Variants in DRC11 observed in about 807,000 individuals in gnomAD.
DRC11 encodes dynein regulatory complex subunit 11.
chr2:236,496,860 T>A, the DRC11 span, among the ~76,000 whole-genome samples: 1 of 152,048 alleles, frequency 6.6e-6, no homozygotes, highest in Non-Finnish European at 1.5e-5. This position sits in a 1 kb window ranked among gnomAD's most constrained non-coding sequence, Gnocchi z 6.3. Context: ...AGGGTGCTGA[T>A]GAAAGGGCTG....
chr2:236,408,458 G>A, the DRC11 span: 1 of 740,672 alleles, frequency 1.4e-6, no homozygotes, highest in Admixed American at 1.7e-5. The surrounding 1 kb of genome is among the most constrained non-coding windows in gnomAD (Gnocchi z 5.5). Flanking sequence ...TGGTTCACAG[G>A]TATGGGCTGC....
At chr2:236,473,432 C>A in the DRC11 span, among the ~76,000 whole-genome samples, 1 of 152,184 alleles carries the variant, frequency 6.6e-6, no homozygotes. The surrounding 1 kb of genome is among the most constrained non-coding windows in gnomAD (Gnocchi z 4.8). Flanking sequence ...TACAGCTTGC[C>A]TCACGTTAGA....
chr2:236,464,922 C>T, the DRC11 span, among the ~76,000 whole-genome samples: 800 of 152,322 alleles, frequency 5.3e-3, 13 homozygotes, highest in African/African-American at 0.018. Flanking sequence ...TGAGTTAAAG[C>T]TCCCTGAGGC....
the DRC11 span, chr2:236,324,634 G>T: frequency 9.7e-7 from 1 of 1,035,034 alleles, no homozygotes; most frequent in Non-Finnish European, 1.5e-6. This position sits in a 1 kb window ranked among gnomAD's most constrained non-coding sequence, Gnocchi z 5.7. Flanking sequence ...AGAGACTCAA[G>T]CATGGTTCTT....
At chr2:236,331,032 C>G in the DRC11 span, among the ~76,000 whole-genome samples, 1 of 152,010 alleles carries the variant, frequency 6.6e-6, no homozygotes, top group Non-Finnish European at 1.5e-5. This position sits in a 1 kb window ranked among gnomAD's most constrained non-coding sequence, Gnocchi z 4.8. Context: ...GATTTCTCTA[C>G]GCAAAACTTA....
the DRC11 span, among the ~76,000 whole-genome samples, chr2:236,397,319 C>T: frequency 1.3e-5 from 2 of 152,186 alleles, no homozygotes; most frequent in Admixed American, 6.5e-5. The surrounding 1 kb of genome is among the most constrained non-coding windows in gnomAD (Gnocchi z 5.0). Context: ...TTTACATAGT[C>T]GTATCAGAAG....
the DRC11 span, among the ~76,000 whole-genome samples, chr2:236,384,967 T>A: frequency 3.9e-5 from 6 of 152,178 alleles, 1 homozygote; most frequent in African/African-American, 1.4e-4. Flanking sequence ...GATCAGATAG[T>A]TGTAGATATT....
At chr2:236,329,601 GA>G in the DRC11 span, among the ~76,000 whole-genome samples, 29,033 of 152,100 alleles carry the variant, frequency 0.19, 3,000 homozygotes, top group African/African-American at 0.23. Context: ...TCATTAGAAG[GA>G]ACCATAGCAA....
chr2:236,461,727 A>G, the DRC11 span, among the ~76,000 whole-genome samples: 1 of 152,332 alleles, frequency 6.6e-6, no homozygotes, highest in Admixed American at 6.5e-5. This position sits in a 1 kb window ranked among gnomAD's most constrained non-coding sequence, Gnocchi z 4.0. Context: ...TCTTGTCCTT[A>G]TATCACAGAT....
At chr2:236,493,275 C>G in the DRC11 span, among the ~76,000 whole-genome samples, 1 of 152,144 alleles carries the variant, frequency 6.6e-6, no homozygotes, top group Non-Finnish European at 1.5e-5. Flanking sequence ...GTTCCTCCCA[C>G]AACACATGGG....
At chr2:236,422,590 T>C in the DRC11 span, among the ~76,000 whole-genome samples, 7 of 152,136 alleles carry the variant, frequency 4.6e-5, no homozygotes, top group Non-Finnish European at 1.0e-4. Flanking sequence ...TGCTCATGGG[T>C]AGGAAGAATC....
At chr2:236,459,511 A>ATATG in the DRC11 span, among the ~76,000 whole-genome samples, 796 of 104,374 alleles carry the variant, frequency 7.6e-3, 16 homozygotes, top group African/African-American at 0.025. Context: ...GTATACGTAT[A>ATATG]CGTATACATG....
the DRC11 span, among the ~76,000 whole-genome samples, chr2:236,394,091 G>A: frequency 6.6e-6 from 1 of 152,152 alleles, no homozygotes; most frequent in Non-Finnish European, 1.5e-5. This position sits in a 1 kb window ranked among gnomAD's most constrained non-coding sequence, Gnocchi z 7.0. Flanking sequence ...CCCCCAGGAA[G>A]CAGAGCATCT....
At chr2:236,417,668 G>A in the DRC11 span, among the ~76,000 whole-genome samples, 1 of 151,498 alleles carries the variant, frequency 6.6e-6, no homozygotes, top group East Asian at 1.9e-4. Context: ...CTATCAACCC[G>A]TCATCTAGGT....
the DRC11 span, chr2:236,497,565 T>C: frequency 9.3e-6 from 9 of 963,170 alleles, no homozygotes; most frequent in East Asian, 2.6e-5. The surrounding 1 kb of genome is among the most constrained non-coding windows in gnomAD (Gnocchi z 5.1). Flanking sequence ...GCCTCTGGTA[T>C]AGCAAAATAT....
the DRC11 span, among the ~76,000 whole-genome samples, chr2:236,382,942 T>A: frequency 6.6e-6 from 1 of 152,146 alleles, no homozygotes; most frequent in Non-Finnish European, 1.5e-5. Context: ...GAAATACCTC[T>A]CACATAATTT....
the DRC11 span, chr2:236,493,845 TC>T: frequency 2.5e-6 from 4 of 1,606,564 alleles, no homozygotes; most frequent in Non-Finnish European, 3.4e-6. Context: ...ACTTCCAACT[TC>T]TCCTTCAAAA....
the DRC11 span, among the ~76,000 whole-genome samples, chr2:236,486,541 T>C: frequency 2.0e-5 from 3 of 151,544 alleles, no homozygotes; most frequent in African/African-American, 7.3e-5. The surrounding 1 kb of genome is among the most constrained non-coding windows in gnomAD (Gnocchi z 5.7). Context: ...CATCCTAATA[T>C]AGTGGTGTGC....
the DRC11 span, among the ~76,000 whole-genome samples, chr2:236,442,919 C>G: frequency 2.6e-5 from 4 of 152,122 alleles, no homozygotes; most frequent in African/African-American, 4.8e-5. Context: ...ACCCAAAGTC[C>G]AGAGTTTGTC....
Sources: gnomAD v4.1 joint callset for allele counts (sites outside exome capture counted in the v4.1 genomes callset) on GRCh38, gnomAD v4.1.1 for gene constraint, Gnocchi (gnomAD v3.1) non-coding constraint, MANE v1.5 for transcripts, NCBI Gene and HGNC (gene_info 2026-07-23, HGNC 2026-07-21) for gene names.